Variants in FHIT observed in about 807,000 individuals in gnomAD.
FHIT encodes the protein bis(5'-adenosyl)-triphosphatase.
Under a neutral mutation model 17.9 loss-of-function variants are expected in FHIT, and 19 were observed. The ratio of observed to expected loss-of-function variants is 1.06; its 90% confidence interval spans 0.74 to 1.56. The LOEUF (loss-of-function observed/expected upper bound fraction) is 1.56, where lower values mean the gene tolerates loss of function less well. Among genes scored for constraint, FHIT ranks in the 40% most tolerant of loss-of-function variants. The pLI, the probability that FHIT is intolerant of heterozygous loss-of-function variation, is 0.00. For missense variants in FHIT, 248 were observed against 189.2 expected, an observed-to-expected ratio of 1.31 and a Z score of -1.82; for synonymous variants, 81 against 69.7, an observed-to-expected ratio of 1.16 and a Z score of -0.81.
chr3:60,213,003 G>C (rs963152686), intron 5 of FHIT, among the ~76,000 whole-genome samples: 1 of 152,104 alleles, frequency 6.6e-6, no homozygotes, highest in Non-Finnish European at 1.5e-5. Flanking sequence ...CCACCTGAAA[G>C]AAAAGCAAGA....
chr3:60,289,418 C>T (rs1707878141), intron 5 of FHIT, among the ~76,000 whole-genome samples: 1 of 152,094 alleles, frequency 6.6e-6, no homozygotes, highest in African/African-American at 2.4e-5. Flanking sequence ...AGAAAATATC[C>T]ATTCCATGGC....
intron 8 of FHIT, among the ~76,000 whole-genome samples, chr3:59,885,514 G>A (rs932114591): frequency 2.6e-5 from 4 of 151,308 alleles, no homozygotes; most frequent in Non-Finnish European, 5.9e-5. Flanking sequence ...ATTCATGATG[G>A]AATGAGAACA....
chr3:60,927,135 G>T (rs757712175), intron 3 of FHIT, among the ~76,000 whole-genome samples: 5 of 152,200 alleles, frequency 3.3e-5, no homozygotes, highest in Non-Finnish European at 7.3e-5. Flanking sequence ...GAGTGCCTGG[G>T]ATTGCAGGCG....
Position 60,737,334 on chromosome 3 carries a change from C to T in FHIT, c.-18+84585G>A, listed in dbSNP as rs116244966. Among the ~76,000 whole-genome samples, 123 of 152,290 alleles carry T rather than the reference C, an allele frequency of 8.1e-4. 1 individual carries two copies. The highest frequency in any genetic ancestry group is 1.5e-3 in the Non-Finnish European group (103 of 68,026). On this transcript the variant is annotated intron_variant, in intron 4 of 9. Coordinates refer to ENST00000492590, the MANE Select transcript of FHIT (RefSeq NM_002012.4). ...TTCTTCTTTGCATAAACTGCAGCTT[C>T]CAAAAATGGTGCCATATTATAAAGC...
chr3:60,820,181 G>T (rs1447920), intron 4 of FHIT, among the ~76,000 whole-genome samples: 40 of 151,670 alleles, frequency 2.6e-4, no homozygotes, highest in African/African-American at 9.4e-4. Context: ...GGTGGCGGGC[G>T]CTTGTAATCC....
intron 5 of FHIT, among the ~76,000 whole-genome samples, chr3:60,489,824 C>T (rs2033989201): frequency 6.6e-6 from 1 of 152,116 alleles, no homozygotes; most frequent in African/African-American, 2.4e-5. Flanking sequence ...GACTGCCATA[C>T]TCACAAATGG....
intron 5 of FHIT, among the ~76,000 whole-genome samples, chr3:60,381,642 T>G (rs1409789456): frequency 6.6e-6 from 1 of 152,258 alleles, no homozygotes; most frequent in African/African-American, 2.4e-5. Context: ...TCTCTTTCGA[T>G]AGTAGAGATG....
chr3:59,938,974 G>A (rs1285868960), intron 7 of FHIT, among the ~76,000 whole-genome samples: 5 of 152,122 alleles, frequency 3.3e-5, no homozygotes, highest in Non-Finnish European at 7.4e-5. Flanking sequence ...ATCTCAGCCT[G>A]GCTTCCACAC....
At chr3:60,703,804 T>C (rs372294047) in intron 4 of FHIT, among the ~76,000 whole-genome samples, 1 of 152,290 alleles carries the variant, frequency 6.6e-6, no homozygotes, top group South Asian at 2.1e-4. Flanking sequence ...AGTTTACATG[T>C]AAAACTATCT....
chr3:60,928,737 C>CA (rs1707790181), intron 3 of FHIT, among the ~76,000 whole-genome samples: 1 of 151,954 alleles, frequency 6.6e-6, no homozygotes, highest in African/African-American at 2.4e-5. Context: ...GCTTACCAAC[C>CA]AAAAAAATCC....
At chr3:60,252,126 T>C (rs1460262083) in intron 5 of FHIT, among the ~76,000 whole-genome samples, 1 of 152,194 alleles carries the variant, frequency 6.6e-6, no homozygotes, top group Non-Finnish European at 1.5e-5. Flanking sequence ...AATGTATTAA[T>C]TCAAAAATAT....
chr3:60,751,887 T>C (rs1030706294), intron 4 of FHIT, among the ~76,000 whole-genome samples: 1 of 152,122 alleles, frequency 6.6e-6, no homozygotes, highest in Non-Finnish European at 1.5e-5. Context: ...CAAAAGGGGA[T>C]AGGCTAAGTA....
chr3:60,147,460 G>A (rs773442679), intron 5 of FHIT, among the ~76,000 whole-genome samples: 1 of 152,172 alleles, frequency 6.6e-6, no homozygotes, highest in Non-Finnish European at 1.5e-5. Flanking sequence ...AAAGGATGCA[G>A]TGCCTTTGCG....
chr3:60,114,491 T>C (rs1165849394), intron 5 of FHIT, among the ~76,000 whole-genome samples: 1 of 100,548 alleles, frequency 9.9e-6, no homozygotes, highest in African/African-American at 3.4e-5. Flanking sequence ...GAGAAATCCT[T>C]TTTTTTTTTT....
intron 3 of FHIT, among the ~76,000 whole-genome samples, chr3:60,999,250 A>AACTGCAGAAGATATCACTGC (rs1188257536): frequency 1.3e-5 from 2 of 152,142 alleles, no homozygotes; most frequent in African/African-American, 4.8e-5. Context: ...TATTAACAGC[A>AACTGCAGAAGATATCACTGC]ACTGCAGAAG....
At chr3:59,760,891 G>A (rs1258629965) in intron 8 of FHIT, among the ~76,000 whole-genome samples, 1 of 151,400 alleles carries the variant, frequency 6.6e-6, no homozygotes, top group Admixed American at 6.6e-5. Flanking sequence ...CCAGCTCACT[G>A]CAGCCTCAAC....
At chr3:60,216,641 C>A (rs1703711793) in intron 5 of FHIT, among the ~76,000 whole-genome samples, 1 of 152,168 alleles carries the variant, frequency 6.6e-6, no homozygotes, top group South Asian at 2.1e-4. Flanking sequence ...TTACTATCTG[C>A]TAATCCTATA....
intron 2 of FHIT, among the ~76,000 whole-genome samples, chr3:61,079,849 T>C (rs1313375987): frequency 6.6e-6 from 1 of 152,212 alleles, no homozygotes; most frequent in Non-Finnish European, 1.5e-5. Context: ...AACAAACTTA[T>C]ATATTCTCCC....
intron 5 of FHIT, among the ~76,000 whole-genome samples, chr3:60,220,873 A>G (rs1703929888): frequency 6.6e-6 from 1 of 152,166 alleles, no homozygotes; most frequent in African/African-American, 2.4e-5. Context: ...ATTTCCATCT[A>G]GCTGCATCCA....
Sources: gnomAD v4.1 joint callset for allele counts (sites outside exome capture counted in the v4.1 genomes callset) on GRCh38, gnomAD v4.1.1 for gene constraint, MANE v1.5 for transcripts, NCBI Gene and HGNC (gene_info 2026-07-23, HGNC 2026-07-21) for gene names.